The following SLC45A4 variants were observed in gnomAD, a reference collection of about 807,000 sequenced individuals.
SLC45A4 encodes solute carrier family 45 member 4.
A neutral mutation model predicts 63.7 loss-of-function variants in SLC45A4; 32 were observed. The ratio of observed to expected loss-of-function variants is 0.50; its 90% CI spans 0.38 to 0.67. The LOEUF (loss-of-function observed/expected upper bound fraction) is 0.67. Among genes scored for constraint, SLC45A4 ranks in the 30% least tolerant of loss-of-function variants. The pLI is 0.00. For synonymous variants in SLC45A4, 535 were observed against 510.0 expected, an observed-to-expected ratio of 1.05 and a Z score of -0.66; for missense variants, 1,027 against 1,157.7, an observed-to-expected ratio of 0.89 and a Z score of 1.64.
chr8:141,305,065 A>G (rs1830858612), intron 1 of SLC45A4, among the ~76,000 whole-genome samples: 1 of 152,204 alleles, frequency 6.6e-6, no homozygotes. Context: ...TTCCACGAAC[A>G]TTAAAGAGGT....
At chr8:141,224,084 T>C (rs1826830719) in intron 2 of SLC45A4, among the ~76,000 whole-genome samples, 1 of 152,194 alleles carries the variant, frequency 6.6e-6, no homozygotes, top group Non-Finnish European at 1.5e-5. Flanking sequence ...CTCTCCTTAT[T>C]ACACTTACAC....
rs558972683 is a variant in SLC45A4 at position 141,299,972 on chromosome 8, T to G, written c.-401+8124A>C. On this transcript the variant is annotated intron_variant, in intron 1 of 8. Coordinates refer to ENST00000517878, the MANE Select transcript of SLC45A4 (RefSeq NM_001286646.2). The stretch of plus-strand genomic sequence containing the variant: ...CTGGCCTGTCTTCCTGGTCCCGTTC[T>G]TCACTGTTTAAACCGCAGGATTCCT... 2.5e-4 allele frequency among the ~76,000 whole-genome samples: 38 copies of G among 152,306 alleles called. No individual in the cohort carries two copies. In the South Asian group the frequency reaches 6.6e-3, roughly 27 times the overall value.
intron 1 of SLC45A4, among the ~76,000 whole-genome samples, chr8:141,288,907 CAGA>C (rs1199817482): frequency 6.6e-6 from 1 of 152,270 alleles, no homozygotes; most frequent in African/African-American, 2.4e-5. Context: ...GCTGGCACAG[CAGA>C]AGAACTTGGG....
In SLC45A4 at chr8:141,243,287, C is replaced by T. The variant is rs575259668; in HGVS notation, c.241+10702G>A. ...CTACACAGCGGTGTGGGGATGTGAC[C>T]GAGAGCAGCTCCGCCAGGTGCCCCC... On this transcript the variant is annotated intron_variant, in intron 2 of 8. Coordinates refer to ENST00000517878, the MANE Select transcript of SLC45A4 (RefSeq NM_001286646.2). Among the ~76,000 whole-genome samples, 12 of 152,262 alleles carry T rather than the reference C, an allele frequency of 7.9e-5. No homozygotes were observed. The South Asian group carries it at 8.3e-4, about 11-fold the overall frequency.
At chr8:141,282,168 G>A (rs1337914022) in intron 1 of SLC45A4, among the ~76,000 whole-genome samples, 1 of 152,198 alleles carries the variant, frequency 6.6e-6, no homozygotes, top group Non-Finnish European at 1.5e-5. Flanking sequence ...GATGGAAGGA[G>A]CATCCGAGCT....
At chr8:141,214,182 ACT>A (rs1262548472) in intron 7 of SLC45A4, among the ~76,000 whole-genome samples, 2 of 143,840 alleles carry the variant, frequency 1.4e-5, no homozygotes, top group South Asian at 2.2e-4. Flanking sequence ...ACAGATCGAG[ACT>A]CTGTCTCCAA....
chr8:141,259,489 C>T (rs980858777), intron 1 of SLC45A4, among the ~76,000 whole-genome samples: 1 of 152,242 alleles, frequency 6.6e-6, no homozygotes, highest in Admixed American at 6.5e-5. Flanking sequence ...GCTCTGCCCA[C>T]ACCACCGGCC....
At chr8:141,292,961 A>G (rs1830411519) in intron 1 of SLC45A4, 1 of 152,244 alleles carries the variant, frequency 6.6e-6, no homozygotes, top group South Asian at 2.1e-4. Flanking sequence ...ACACTCAGGC[A>G]AGGGGCCTAC....
At position 141,254,380 on chromosome 8, in the gene SLC45A4, G is replaced by T; in HGVS notation, c.-151C>A. 1 of 914,904 alleles carries T rather than the reference G, an allele frequency of 1.1e-6. No individual in the cohort carries two copies. Among genetic ancestry groups the T allele is most frequent in the Non-Finnish European group, 1.6e-6 (1 of 620,632 alleles). The allele number at this position is 914,904 out of a possible 1,614,324, so 56.7% of individuals were successfully genotyped here. ...ACTTACATTCCTCTTTGCACAAGTG[G>T]CTATCTCACAACTTCTCACAACGGT... On this transcript the variant is annotated 5_prime_UTR_variant, in exon 2 of 9. Transcript: ENST00000517878. The surrounding 1 kb of genome is among the most constrained non-coding windows in gnomAD (Gnocchi z 4.5).
chr8:141,282,657 C>T (rs1303215093), intron 1 of SLC45A4, among the ~76,000 whole-genome samples: 1 of 152,250 alleles, frequency 6.6e-6, no homozygotes, highest in Non-Finnish European at 1.5e-5. Flanking sequence ...AAACTTCAAC[C>T]CAACGTCCAA....
intron 1 of SLC45A4, among the ~76,000 whole-genome samples, chr8:141,257,852 A>G (rs952439716): frequency 1.1e-4 from 17 of 152,178 alleles, no homozygotes; most frequent in Non-Finnish European, 2.5e-4. Context: ...CGTCAACAGC[A>G]CCAGAGGGAG....
At chr8:141,235,974 T>C (rs542607914) in intron 2 of SLC45A4, among the ~76,000 whole-genome samples, 209 of 152,178 alleles carry the variant, frequency 1.4e-3, no homozygotes, top group Middle Eastern at 0.01. Context: ...TGTGGTGGTA[T>C]GTGCCTGTAA....
At chr8:141,216,065 C>G in intron 6 of SLC45A4, 95 bp from the exon 7 acceptor site, 1 of 1,095,338 alleles carries the variant, frequency 9.1e-7, no homozygotes, top group Admixed American at 2.0e-5. Flanking sequence ...CCACATCCCC[C>G]CGACCTCCAC....
At chr8:141,289,707 G>A (rs932511108) in intron 1 of SLC45A4, among the ~76,000 whole-genome samples, 1 of 152,088 alleles carries the variant, frequency 6.6e-6, no homozygotes, top group Non-Finnish European at 1.5e-5. Context: ...GGTCCCCTGC[G>A]GCTGTGGCCT....
chr8:141,217,527 G>A (rs1019220342), intron 5 of SLC45A4, among the ~76,000 whole-genome samples: 1 of 152,212 alleles, frequency 6.6e-6, no homozygotes, highest in Non-Finnish European at 1.5e-5. Flanking sequence ...GCATGGAGCA[G>A]CTCAGACTGG....
At chr8:141,220,268 T>TCG (rs1190563077) in intron 3 of SLC45A4, among the ~76,000 whole-genome samples, 11 of 152,090 alleles carry the variant, frequency 7.2e-5, no homozygotes, top group Non-Finnish European at 1.3e-4. Flanking sequence ...TGATGAGGCT[T>TCG]CGCGAGGCAG....
chr8:141,218,395 C>G lies in SLC45A4; in HGVS notation c.1245G>C (p.Arg415=). 1 of 1,608,972 alleles carries G rather than the reference C, an allele frequency of 6.2e-7. No individual in the cohort carries two copies. The highest frequency in any genetic ancestry group is 2.2e-5 in the East Asian group (1 of 44,868). The change falls in exon 5 of 9, where the codon CGG becomes CGC. Residue 415 remains arginine, a synonymous_variant. Transcript: ENST00000517878. The part of the protein sequence containing the change: ...PSATSSSMRR[R]RHAFRRQASS... Reference sequence around the variant, plus strand: ...AGGCCTGCCTGCGGAACGCGTGCCGCCGCCGCCGCATGGAGCTCGACGTGG... The same window carrying G: ...AGGCCTGCCTGCGGAACGCGTGCCGGCGCCGCCGCATGGAGCTCGACGTGG...
In SLC45A4 at chr8:141,253,644, C is replaced by T. The variant is rs1234197968; in HGVS notation, c.241+345G>A. Among the ~76,000 whole-genome samples, 3 of 152,226 alleles carry T rather than the reference C, an allele frequency of 2.0e-5. No homozygotes were observed. In the East Asian group the frequency reaches 5.8e-4, roughly 29 times the overall value. On this transcript the variant is annotated intron_variant, in intron 2 of 8. Transcript: ENST00000517878. ...GTGACTGTCAGTGCTGGCGACCCTG[C>T]CCTTTGCCTCGTTGTTCACTGTGGC... is the stretch of plus-strand genomic sequence containing the variant.
intron 1 of SLC45A4, among the ~76,000 whole-genome samples, chr8:141,269,981 A>C (rs1388428531): frequency 6.6e-6 from 1 of 152,010 alleles, no homozygotes; most frequent in Non-Finnish European, 1.5e-5. Context: ...TCTGCTGACC[A>C]TATGGGGCGG....
Sources: gnomAD v4.1 joint callset for allele counts (sites outside exome capture counted in the v4.1 genomes callset) on GRCh38, gnomAD v4.1.1 for gene constraint, Gnocchi (gnomAD v3.1) non-coding constraint, MANE v1.5 for transcripts, NCBI Gene and HGNC (gene_info 2026-07-23, HGNC 2026-07-21) for gene names.